The following MAST2 variants were observed in gnomAD, a reference collection of about 807,000 sequenced individuals.
MAST2 encodes microtubule associated serine/threonine kinase 2.
In MAST2, 70 loss-of-function variants were observed where a neutral mutation model predicts 147.4. That is an observed-to-expected ratio of 0.47 (90% CI 0.39 to 0.58). The LOEUF is 0.58. Among genes scored for constraint, MAST2 ranks in the 20% least tolerant of loss-of-function variants. MAST2 has a pLI of 0.00. For synonymous variants in MAST2, 869 were observed against 896.8 expected (o/e 0.97, Z 0.55); for missense variants, 2,080 against 2,302.3 (o/e 0.90, Z 1.98).
rs1646823007 is a variant in MAST2 at position 46,034,619 on chromosome 1, G to A, written c.3950G>A (p.Ser1317Asn). 4 of 1,614,072 alleles carry A rather than the reference G, an allele frequency of 2.5e-6. No homozygotes were observed. The East Asian group carries it at 8.9e-5, about 36-fold the overall frequency. ...GCCGGCTCTGGGCACACACGGCCCA[G>A]CTCCCTCCACGGTCTGGCACCCAAG... is the stretch of plus-strand genomic sequence containing the variant. ...SPAGSGHTRP[S>N]SLHGLAPKLQ... The change falls in exon 29 of 29, where the codon AGC becomes AAC. Residue 1317 changes from serine to asparagine, a missense_variant. Ser to Asn is a conservative substitution (Grantham distance 46, BLOSUM62 1). Around this residue, in one of 4 missense-constraint regions of MAST2, gnomAD observed 1,278 missense variants for 1,304.2 expected, o/e 0.98. Transcript: ENST00000361297.
At chr1:45,811,876 C>T (rs188932172) in intron 1 of MAST2, among the ~76,000 whole-genome samples, 47 of 150,534 alleles carry the variant, frequency 3.1e-4, no homozygotes, top group East Asian at 5.9e-4. Flanking sequence ...CCTCGTGATC[C>T]GCCTGTCTCG....
intron 3 of MAST2, among the ~76,000 whole-genome samples, chr1:45,846,609 C>A (rs1417014943): frequency 6.6e-6 from 1 of 151,998 alleles, no homozygotes. Flanking sequence ...ATCACGAGGT[C>A]AGAAGTTCAA....
At chr1:45,930,564 C>T (rs1570771574) in intron 4 of MAST2, among the ~76,000 whole-genome samples, 1 of 152,146 alleles carries the variant, frequency 6.6e-6, no homozygotes, top group East Asian at 1.9e-4. Flanking sequence ...CAATAGAACA[C>T]TTCGCAGCAC....
intron 3 of MAST2, among the ~76,000 whole-genome samples, chr1:45,843,694 TAGG>T (rs1645344351): frequency 6.6e-6 from 1 of 152,218 alleles, no homozygotes; most frequent in African/African-American, 2.4e-5. Flanking sequence ...ATAAGAACTG[TAGG>T]AGTTTAGATA....
intron 1 of MAST2, among the ~76,000 whole-genome samples, chr1:45,820,419 T>C (rs1027583520): frequency 6.6e-6 from 1 of 152,170 alleles, no homozygotes; most frequent in Non-Finnish European, 1.5e-5. Context: ...GCTATGGGGA[T>C]TACATGTAAC....
At position 46,031,068 on chromosome 1, in the gene MAST2, A is replaced by T; in HGVS notation, c.2770A>T (p.Met924Leu). Residue 924 changes from methionine to leucine, a missense_variant, in exon 23 of 29, where the codon ATG becomes TTG. Met to Leu is a conservative substitution (Grantham distance 15, BLOSUM62 2). This residue lies in a region of MAST2 where 1,278 missense variants were observed against 1,304.2 expected (regional missense o/e 0.98). Coordinates refer to ENST00000361297, the MANE Select transcript of MAST2 (RefSeq NM_015112.3). The surrounding 1 kb of genome is among the most constrained non-coding windows in gnomAD (Gnocchi z 4.1). ...SHTESDSSPP[M>L]TVRRRCSGLL... ...CACAGAGAGTGACTCAAGCCCTCCA[A>T]TGACAGTGCGACGCCGCTGCTCAGG... 1 of 1,613,742 alleles carries T rather than the reference A, an allele frequency of 6.2e-7. No homozygotes were observed. The highest frequency in any genetic ancestry group is 1.1e-5 in the South Asian group (1 of 91,032).
At position 46,035,963 on chromosome 1, in the gene MAST2, C is replaced by G; in HGVS notation, c.5294C>G (p.Thr1765Ser). 1 of 1,613,970 alleles carries G rather than the reference C, an allele frequency of 6.2e-7. No homozygotes were observed. Among genetic ancestry groups the G allele is most frequent in the Non-Finnish European group, 8.5e-7 (1 of 1,180,032 alleles). ...QDVPCRGCPL[T>S]QKSEPSLRRG... ...GTTCCATGCCGAGGCTGCCCCCTCA[C>G]CCAGAAGTCTGAGCCCAGCCTCAGG... Residue 1765 changes from threonine (T) to serine (S), a missense_variant, in exon 29 of 29, where the codon ACC (threonine) becomes AGC (serine). Thr to Ser is a moderately conservative substitution (Grantham distance 58). Transcript: ENST00000361297. This position sits in a 1 kb window ranked among gnomAD's most constrained non-coding sequence, Gnocchi z 5.5.
intron 4 of MAST2, among the ~76,000 whole-genome samples, chr1:45,946,947 G>T (rs1367565252): frequency 6.6e-6 from 1 of 152,150 alleles, no homozygotes; most frequent in Non-Finnish European, 1.5e-5. Flanking sequence ...CGTCCATGAA[G>T]TTAGGCCACA....
At chr1:45,872,281 T>C in intron 3 of MAST2, among the ~76,000 whole-genome samples, 1 of 152,192 alleles carries the variant, frequency 6.6e-6, no homozygotes, top group Non-Finnish European at 1.5e-5. Context: ...ATCTCCACGC[T>C]GGTGACTGTT....
Position 46,035,101 on chromosome 1 carries a change from C to G in MAST2, c.4432C>G (p.Leu1478Val). The G allele has an allele frequency of 6.2e-7, 1 of 1,613,610 alleles. No homozygotes were observed. The highest frequency in any genetic ancestry group is 8.5e-7 in the Non-Finnish European group (1 of 1,179,954). The change falls in exon 29 of 29, where the codon CTA becomes GTA. Residue 1478 changes from leucine to valine, a missense_variant. This residue lies in a region of MAST2 where 1,278 missense variants were observed against 1,304.2 expected (regional missense o/e 0.98). Transcript: ENST00000361297. The surrounding 1 kb of genome is among the most constrained non-coding windows in gnomAD (Gnocchi z 5.5). ...GCTGCAGCCTGCTCCCTCACGGGCC[C>G]TAGGCACCCTCCGGCAGGACCGAGC... The part of the protein sequence containing the change: ...GVLQPAPSRA[L>V]GTLRQDRAER...
At chr1:45,906,686 A>G (rs1650801190) in intron 4 of MAST2, among the ~76,000 whole-genome samples, 1 of 148,868 alleles carries the variant, frequency 6.7e-6, no homozygotes, top group African/African-American at 2.4e-5. Flanking sequence ...AACATATAAT[A>G]ATTATATTAT....
At position 46,034,094 on chromosome 1, in the gene MAST2, C is replaced by T; in HGVS notation, c.3696C>T (p.Phe1232=). Reference sequence around the variant, plus strand: ...GCAGCAGAAAAAGGAGCTCCCTGTTCCGCAAGATCACCAAGCAAGCATCCC... The same window carrying T: ...GCAGCAGAAAAAGGAGCTCCCTGTTTCGCAAGATCACCAAGCAAGCATCCC... ...GQESRKRSSL[F]RKITKQASLL... The change falls in exon 28 of 29, where the codon TTC becomes TTT. Residue 1232 remains phenylalanine (F), a synonymous_variant. Transcript: ENST00000361297. The T allele has an allele frequency of 6.2e-7, 1 of 1,613,652 alleles. No individual in the cohort carries two copies. Among genetic ancestry groups the T allele is most frequent in the Non-Finnish European group, 8.5e-7 (1 of 1,179,734 alleles).
intron 5 of MAST2, among the ~76,000 whole-genome samples, chr1:45,965,220 A>G (rs1156702000): frequency 1.3e-5 from 2 of 152,168 alleles, no homozygotes; most frequent in Non-Finnish European, 2.9e-5. Flanking sequence ...AGAGTTCTGT[A>G]GATGTCTATT....
At chr1:45,930,369 G>A (rs553812746) in intron 4 of MAST2, among the ~76,000 whole-genome samples, 18 of 139,618 alleles carry the variant, frequency 1.3e-4, no homozygotes, top group African/African-American at 3.4e-4. Context: ...GTGAGCCACC[G>A]CGCCTGGCCT....
intron 12 of MAST2, among the ~76,000 whole-genome samples, chr1:46,022,699 T>G (rs1231392187): frequency 6.6e-6 from 1 of 152,194 alleles, no homozygotes; most frequent in Non-Finnish European, 1.5e-5. Flanking sequence ...AATGGACTTC[T>G]GGAAATGGGA....
At chr1:45,808,086 C>T (rs144299206) in intron 1 of MAST2, among the ~76,000 whole-genome samples, 95 of 152,176 alleles carry the variant, frequency 6.2e-4, no homozygotes, top group African/African-American at 2.1e-3. Context: ...TTTAAGAATA[C>T]GTTCTAATCA....
chr1:45,923,108 G>T (rs548181795), intron 4 of MAST2, among the ~76,000 whole-genome samples: 4 of 152,314 alleles, frequency 2.6e-5, no homozygotes, highest in African/African-American at 9.6e-5. Flanking sequence ...CCTGGGCCCA[G>T]CTCTGCCCTA....
At chr1:45,849,864 A>C (rs1570365335) in intron 3 of MAST2, among the ~76,000 whole-genome samples, 1 of 152,154 alleles carries the variant, frequency 6.6e-6, no homozygotes, top group African/African-American at 2.4e-5. Flanking sequence ...ATGGGCACCT[A>C]GGTTGATCCC....
At chr1:45,906,679 A>G (rs1437379521) in intron 4 of MAST2, among the ~76,000 whole-genome samples, 2 of 148,804 alleles carry the variant, frequency 1.3e-5, no homozygotes, top group Non-Finnish European at 3.0e-5. Context: ...AGTTTGTAAC[A>G]TATAATAATT....
Sources: gnomAD v4.1 joint callset for allele counts (sites outside exome capture counted in the v4.1 genomes callset) on GRCh38, gnomAD v4.1.1 for gene constraint, gnomAD v4.1.1 regional missense constraint, Gnocchi (gnomAD v3.1) non-coding constraint, MANE v1.5 for transcripts, NCBI Gene and HGNC (gene_info 2026-07-23, HGNC 2026-07-21) for gene names.